Variants in FBXW7 observed in about 807,000 individuals in gnomAD.
FBXW7 encodes the protein F-box and WD repeat domain containing 7.
Under a neutral mutation model 86.3 loss-of-function variants are expected in FBXW7, and 11 were observed. The ratio of observed to expected loss-of-function variants is 0.13; its 90% confidence interval spans 0.08 to 0.21. FBXW7 has a LOEUF of 0.21. Among genes scored for constraint, FBXW7 ranks in the 10% least tolerant of loss-of-function variants. The pLI is 1.00. For synonymous variants in FBXW7, 313 were observed against 297.9 expected (o/e 1.05, Z -0.52); for missense variants, 488 against 847.4 (o/e 0.58, Z 5.27).
intron 2 of FBXW7, among the ~76,000 whole-genome samples, chr4:152,492,427 G>A (rs1246990439): frequency 4.6e-5 from 7 of 152,132 alleles, no homozygotes; most frequent in African/African-American, 1.4e-4. Flanking sequence ...ATCCAAAGGT[G>A]TATGCTTAAA....
intron 4 of FBXW7, among the ~76,000 whole-genome samples, chr4:152,381,133 T>C (rs902174387): frequency 5.9e-5 from 9 of 152,212 alleles, no homozygotes; most frequent in African/African-American, 1.9e-4. Context: ...TTGTTTGGCG[T>C]AGAAGTGGAA....
intron 2 of FBXW7, among the ~76,000 whole-genome samples, chr4:152,454,217 C>T (rs919468114): frequency 6.8e-6 from 1 of 147,756 alleles, no homozygotes; most frequent in African/African-American, 2.5e-5. Flanking sequence ...AGTACTGCTT[C>T]TTATATCTCT....
chr4:152,520,829 C>T (rs1242062855), intron 2 of FBXW7, among the ~76,000 whole-genome samples: 1 of 152,198 alleles, frequency 6.6e-6, no homozygotes, highest in Non-Finnish European at 1.5e-5. Context: ...TCCAAAATAT[C>T]TAAGCTACTT....
chr4:152,373,972 G>C lies in FBXW7; in HGVS notation c.502-23848C>G, dbSNP rs1219206190. Among the ~76,000 whole-genome samples the C allele has an allele frequency of 4.6e-5, 7 of 151,878 alleles. No individual in the cohort carries two copies. The East Asian group carries it at 1.3e-3, about 29-fold the overall frequency. ...AAGACCAAAGGATCTAAAATAGAAT[G>C]GTCTGATATGTGATAACTGACAGTA... On this transcript the variant is annotated intron_variant, in intron 4 of 13. Coordinates refer to ENST00000281708, the MANE Select transcript of FBXW7 (RefSeq NM_001349798.2).
intron 2 of FBXW7, among the ~76,000 whole-genome samples, chr4:152,434,859 A>G (rs993173802): frequency 6.6e-6 from 1 of 152,146 alleles, no homozygotes; most frequent in South Asian, 2.1e-4. Flanking sequence ...AATGTGCTTC[A>G]GAGTTTAGAT....
Position 152,481,538 on chromosome 4 carries a change from T to C in FBXW7, c.-120+53403A>G, listed in dbSNP as rs146135539. Reference sequence around the variant, plus strand: ...TTCATAAAGGTATAGCTGTCATAGATAGGAATTCCTCTGATAGATGTGGGC... The same window carrying C: ...TTCATAAAGGTATAGCTGTCATAGACAGGAATTCCTCTGATAGATGTGGGC... On this transcript the variant is annotated intron_variant, in intron 2 of 13. Coordinates refer to ENST00000281708, the MANE Select transcript of FBXW7 (RefSeq NM_001349798.2). Among the ~76,000 whole-genome samples, 67 of 152,338 alleles carry C rather than the reference T, an allele frequency of 4.4e-4. No individual in the cohort carries two copies. The East Asian group carries it at 0.012, about 28-fold the overall frequency.
intron 2 of FBXW7, among the ~76,000 whole-genome samples, chr4:152,497,609 A>G (rs1465857898): frequency 6.6e-6 from 1 of 152,164 alleles, no homozygotes. Flanking sequence ...TCATCTTTCA[A>G]ATAGGCAAAA....
intron 2 of FBXW7, among the ~76,000 whole-genome samples, chr4:152,531,853 G>A (rs1750049044): frequency 6.6e-6 from 1 of 150,410 alleles, no homozygotes; most frequent in East Asian, 1.9e-4. Context: ...AATCTCAAGG[G>A]ACCTATATAC....
At chr4:152,487,081 A>T (rs1332663521) in intron 2 of FBXW7, among the ~76,000 whole-genome samples, 1 of 152,178 alleles carries the variant, frequency 6.6e-6, no homozygotes, top group African/African-American at 2.4e-5. Flanking sequence ...AAAGGACAGA[A>T]ACTCCTTTAC....
Position 152,535,413 on chromosome 4 carries a change from A to C in FBXW7, c.-499T>G. 9.9e-5 allele frequency: 36 copies of C among 365,438 alleles called. No homozygotes were observed. The highest frequency in any genetic ancestry group is 7.1e-4 in the Middle Eastern group (1 of 1,416). 22.6% of individuals were successfully genotyped at this position (365,438 alleles called of 1,614,324 possible). On this transcript the variant is annotated 5_prime_UTR_variant, in exon 1 of 14. Coordinates refer to ENST00000281708, the MANE Select transcript of FBXW7 (RefSeq NM_001349798.2). ...CCGGAGGGGGCTGAGGGGAGGGGGA[A>C]GGTGAGGAAAGGACGGCGGCGTCGG... is the stretch of plus-strand genomic sequence containing the variant.
At chr4:152,336,869 T>G (rs966953575) in intron 7 of FBXW7, among the ~76,000 whole-genome samples, 1 of 152,038 alleles carries the variant, frequency 6.6e-6, no homozygotes, top group African/African-American at 2.4e-5. Context: ...TTAGGATATT[T>G]AGAATGATAA....
intron 2 of FBXW7, among the ~76,000 whole-genome samples, chr4:152,492,373 G>A (rs929427396): frequency 2.6e-5 from 4 of 152,138 alleles, no homozygotes; most frequent in Non-Finnish European, 5.9e-5. Flanking sequence ...TTGTGGACAT[G>A]TTTTCATTCC....
rs562689328 is a variant in FBXW7 at position 152,379,432 on chromosome 4, T to C, written c.502-29308A>G. 2.0e-4 allele frequency among the ~76,000 whole-genome samples: 30 copies of C among 152,324 alleles called. No individual in the cohort carries two copies. In the South Asian group the frequency reaches 5.6e-3, roughly 28 times the overall value. Reference sequence around the variant, plus strand: ...ACTTATTTTTAGTAAGTATTCCAGCTGATATTTATGACCAGGAAAATCTGA... The same window carrying C: ...ACTTATTTTTAGTAAGTATTCCAGCCGATATTTATGACCAGGAAAATCTGA... On this transcript the variant is annotated intron_variant, in intron 4 of 13. Transcript: ENST00000281708.
chr4:152,369,462 T>C (rs547247497), intron 4 of FBXW7, among the ~76,000 whole-genome samples: 3 of 152,158 alleles, frequency 2.0e-5, no homozygotes, highest in South Asian at 4.2e-4. Flanking sequence ...CCGTGGCTCA[T>C]AGGAGGTGTT....
At chr4:152,339,769 C>G (rs1730526781) in intron 6 of FBXW7, among the ~76,000 whole-genome samples, 1 of 151,852 alleles carries the variant, frequency 6.6e-6, no homozygotes, top group South Asian at 2.1e-4. Flanking sequence ...TAACGAGACC[C>G]CATCTCTACA....
chr4:152,328,170 G>A (rs2126511794), intron 11 of FBXW7, 38 bp downstream of exon 11: 2 of 1,550,340 alleles, frequency 1.3e-6, no homozygotes, highest in South Asian at 1.2e-5. Flanking sequence ...ACCAATAATA[G>A]AGGAAGAAGT....
intron 2 of FBXW7, among the ~76,000 whole-genome samples, chr4:152,462,620 ATACAAT>A (rs1359758754): frequency 6.6e-6 from 1 of 152,240 alleles, no homozygotes; most frequent in Non-Finnish European, 1.5e-5. Context: ...AGCCACAAAC[ATACAAT>A]TACACATTGC....
chr4:152,511,291 C>A, intron 2 of FBXW7, among the ~76,000 whole-genome samples: 1 of 149,132 alleles, frequency 6.7e-6, no homozygotes, highest in East Asian at 2.0e-4. Context: ...CACAGCCCCC[C>A]GCCCCCCCCA....
intron 4 of FBXW7, among the ~76,000 whole-genome samples, chr4:152,394,439 A>G (rs79363242): frequency 0.03 from 4,514 of 152,174 alleles, 108 homozygotes; most frequent in African/African-American, 0.058. Context: ...ATTAACAACC[A>G]ATTAGGGAAA....
Sources: allele counts gnomAD v4.1 joint callset (sites outside exome capture counted in the v4.1 genomes callset), GRCh38; gene constraint gnomAD v4.1.1; transcripts MANE v1.5; gene names NCBI Gene and HGNC (gene_info 2026-07-23, HGNC 2026-07-21).